LRMDA: variants seen among roughly 807,000 people sequenced by gnomAD.
The protein encoded by LRMDA is leucine rich melanocyte differentiation associated.
LRMDA carries 18 observed loss-of-function variants against 29.8 expected under a neutral mutation model. The ratio of observed to expected loss-of-function variants is 0.60; its 90% CI spans 0.42 to 0.90. The LOEUF is 0.90. Among genes scored for constraint, LRMDA ranks in the 40% least tolerant of loss-of-function variants. The pLI is 0.00. For synonymous variants in LRMDA, 125 were observed against 109.4 expected, an observed-to-expected ratio of 1.14 and a Z score of -0.89; for missense variants, 273 against 273.9, an observed-to-expected ratio of 1.00 and a Z score of 0.02.
intron 5 of LRMDA, among the ~76,000 whole-genome samples, chr10:76,239,728 T>C (rs1338122181): frequency 2.9e-4 from 44 of 152,140 alleles, no homozygotes; most frequent in Non-Finnish European, 7.4e-5. Flanking sequence ...CTCTGTACTT[T>C]CTATAATCTG....
intron 6 of LRMDA, among the ~76,000 whole-genome samples, chr10:76,329,503 G>GA (rs1164834627): frequency 1.3e-5 from 2 of 151,868 alleles, no homozygotes; most frequent in South Asian, 2.1e-4. Flanking sequence ...AAAGCAAAAA[G>GA]AAAAAAAATG....
chr10:76,423,800 A>T (rs1447578782), intron 6 of LRMDA, among the ~76,000 whole-genome samples: 1 of 152,130 alleles, frequency 6.6e-6, no homozygotes, highest in African/African-American at 2.4e-5. Flanking sequence ...GGTGGACCCT[A>T]ATCAACCGAG....
In LRMDA at chr10:76,304,868, A is replaced by G. The variant is rs141040355; in HGVS notation, c.517-19533A>G. On this transcript the variant is annotated intron_variant, in intron 5 of 6. Coordinates refer to ENST00000611255, the MANE Select transcript of LRMDA (RefSeq NM_001305581.2). ...GGGCACAGTGCCCTGCGGGAGCAGG[A>G]GAACACCACGTGATGACTCTCAGGG... 3.0e-4 allele frequency among the ~76,000 whole-genome samples: 46 copies of G among 152,164 alleles called. No individual in the cohort carries two copies. In the East Asian group the frequency reaches 8.7e-3, roughly 29 times the overall value.
At chr10:76,549,415 A>G (rs1231416954) in intron 6 of LRMDA, among the ~76,000 whole-genome samples, 1 of 152,152 alleles carries the variant, frequency 6.6e-6, no homozygotes, top group Non-Finnish European at 1.5e-5. Flanking sequence ...GTCCTCTCCC[A>G]GTGGAAAGCT....
chr10:76,026,125 A>C (rs140225646), intron 2 of LRMDA, among the ~76,000 whole-genome samples: 17 of 152,362 alleles, frequency 1.1e-4, no homozygotes, highest in African/African-American at 4.1e-4. Context: ...AGGAGCATCC[A>C]TGGAGTACAG....
chr10:75,715,827 C>T (rs1388470817), intron 2 of LRMDA, among the ~76,000 whole-genome samples: 1 of 145,774 alleles, frequency 6.9e-6, no homozygotes, highest in Non-Finnish European at 1.5e-5. Flanking sequence ...CCTCCCTCCT[C>T]TTTCCTCCCT....
chr10:76,548,652 G>A (rs183716330), intron 6 of LRMDA, among the ~76,000 whole-genome samples: 101 of 152,180 alleles, frequency 6.6e-4, no homozygotes, highest in Non-Finnish European at 1.4e-3. Flanking sequence ...GCCAAAAAAG[G>A]GAGCTCCCAA....
rs539196439 is a variant in LRMDA at position 76,361,236 on chromosome 10, G to A, written c.601+36751G>A. Among the ~76,000 whole-genome samples, 7 of 151,840 alleles carry A rather than the reference G, an allele frequency of 4.6e-5. No individual in the cohort carries two copies. The East Asian group carries it at 1.4e-3, about 29-fold the overall frequency. ...AGATTGCACCATTGCACTCCAGCCT[G>A]GATGACAGAGCGAGACTGTCTCAAA... On this transcript the variant is annotated intron_variant, in intron 6 of 6. Coordinates refer to ENST00000611255, the MANE Select transcript of LRMDA (RefSeq NM_001305581.2).
chr10:75,912,441 A>C (rs2132378288), intron 2 of LRMDA, among the ~76,000 whole-genome samples: 1 of 152,292 alleles, frequency 6.6e-6, no homozygotes, highest in Admixed American at 6.5e-5. Context: ...CATCTGAATT[A>C]GAATTGTAGG....
At chr10:75,553,612 G>T (rs1376170588) in intron 2 of LRMDA, among the ~76,000 whole-genome samples, 1 of 152,138 alleles carries the variant, frequency 6.6e-6, no homozygotes, top group Non-Finnish European at 1.5e-5. Flanking sequence ...CAGGGCAGCA[G>T]GCCTCTATAT....
chr10:75,702,079 T>G (rs2132170297), intron 2 of LRMDA, among the ~76,000 whole-genome samples: 1 of 152,260 alleles, frequency 6.6e-6, no homozygotes, highest in Non-Finnish European at 1.5e-5. Context: ...AGCTAACACC[T>G]TTGCATTTTT....
intron 5 of LRMDA, among the ~76,000 whole-genome samples, chr10:76,192,635 G>A (rs1284116456): frequency 6.6e-6 from 1 of 152,166 alleles, no homozygotes; most frequent in African/African-American, 2.4e-5. Context: ...AATTTCATTG[G>A]CTGGATGTGA....
intron 2 of LRMDA, among the ~76,000 whole-genome samples, chr10:75,522,872 T>C (rs935063704): frequency 7.2e-5 from 11 of 152,186 alleles, no homozygotes; most frequent in Non-Finnish European, 1.3e-4. Context: ...GGAAGTGTCA[T>C]TGGTAGAGGA....
At chr10:76,419,327 G>A (rs1318433918) in intron 6 of LRMDA, among the ~76,000 whole-genome samples, 1 of 151,910 alleles carries the variant, frequency 6.6e-6, no homozygotes, top group Non-Finnish European at 1.5e-5. Flanking sequence ...TAATATAAAT[G>A]GAATCATACA....
At chr10:76,380,282 C>G (rs1841573827) in intron 6 of LRMDA, among the ~76,000 whole-genome samples, 1 of 152,020 alleles carries the variant, frequency 6.6e-6, no homozygotes, top group Non-Finnish European at 1.5e-5. Context: ...GCCTCCATGT[C>G]ATTGTTATTT....
In LRMDA at chr10:76,558,479, A is replaced by AAAG. The variant is rs1748380597; in HGVS notation, c.*1192_*1194dup. On this transcript the variant is annotated 3_prime_UTR_variant, in exon 7 of 7. Transcript: ENST00000611255. ...GTGATCATTGCTAGTTGGGTGACTCAAAGTTTATCTAACTTGCTGGTGCAC... is the reference window on the plus strand; with the variant it reads ...GTGATCATTGCTAGTTGGGTGACTCAAAGAAGTTTATCTAACTTGCTGGTGCAC... 1 of 152,178 alleles carries AAAG rather than the reference A, an allele frequency of 6.6e-6. No homozygotes were observed. Among genetic ancestry groups the AAAG allele is most frequent in the African/African-American group, 2.4e-5 (1 of 41,444 alleles). 9.4% of individuals were successfully genotyped at this position (152,178 alleles called of 1,614,324 possible).
At chr10:75,922,064 C>G (rs921481438) in intron 2 of LRMDA, among the ~76,000 whole-genome samples, 2 of 152,142 alleles carry the variant, frequency 1.3e-5, no homozygotes, top group African/African-American at 4.8e-5. Flanking sequence ...AAACTTGTAG[C>G]AAGTCTTTCT....
At chr10:75,918,753 G>A (rs1845976448) in intron 2 of LRMDA, among the ~76,000 whole-genome samples, 1 of 152,158 alleles carries the variant, frequency 6.6e-6, no homozygotes, top group South Asian at 2.1e-4. Context: ...TTTGACTTTG[G>A]AGCATAGAGA....
At position 75,812,108 on chromosome 10, in the gene LRMDA, A is replaced by ATTTTTTTTTTT. The variant is rs67846089; in HGVS notation, c.132-223880_132-223870dup. ...TAGTTTCTAAGGGGCTTTAATTGTG[A>ATTTTTTTTTTT]TTTTTTTTTTTTTTTTTTTTTTTTT... On this transcript the variant is annotated intron_variant, in intron 2 of 6. Transcript: ENST00000611255. 3.0e-4 allele frequency among the ~76,000 whole-genome samples: 14 copies of ATTTTTTTTTTT among 46,284 alleles called. 1 individual carries two copies. The highest frequency in any genetic ancestry group is 1.7e-3 in the African/African-American group (14 of 8,378). 30.4% of individuals were successfully genotyped at this position (46,284 alleles called of 152,430 possible).
Sources: gnomAD v4.1 joint callset for allele counts (sites outside exome capture counted in the v4.1 genomes callset) on GRCh38, gnomAD v4.1.1 for gene constraint, MANE v1.5 for transcripts, NCBI Gene and HGNC (gene_info 2026-07-23, HGNC 2026-07-21) for gene names.